Variants in LOXHD1 observed in about 807,000 individuals in gnomAD.
LOXHD1 encodes lipoxygenase homology PLAT domains 1.
LOXHD1 carries 205 observed loss-of-function variants against 248.2 expected under a neutral mutation model. The ratio of observed to expected loss-of-function variants is 0.83; its 90% confidence interval spans 0.74 to 0.93. LOXHD1 has a LOEUF of 0.93. Among genes scored for constraint, LOXHD1 ranks in the 40% least tolerant of loss-of-function variants. The probability of loss-of-function intolerance (pLI) is 0.00; values close to 1 mark genes in which losing one functional copy is unlikely to be tolerated. For synonymous variants in LOXHD1, 1,113 were observed against 1,162.8 expected (o/e 0.96, Z 0.87); for missense variants, 2,930 against 2,971.6 (o/e 0.99, Z 0.33).
chr18:46,567,200 A>G (rs2037660486), intron 16 of LOXHD1, among the ~76,000 whole-genome samples: 1 of 152,222 alleles, frequency 6.6e-6, no homozygotes, highest in African/African-American at 2.4e-5. Flanking sequence ...AGCAATTTTA[A>G]CATCAGATGG....
chr18:46,551,305 G>T (rs554274088), intron 21 of LOXHD1, among the ~76,000 whole-genome samples: 1 of 152,034 alleles, frequency 6.6e-6, no homozygotes, highest in East Asian at 1.9e-4. Context: ...GGGTTTCACC[G>T]TGTTAGCCAG....
At chr18:46,631,504 C>T (rs2038821863) in intron 4 of LOXHD1, among the ~76,000 whole-genome samples, 2 of 152,084 alleles carry the variant, frequency 1.3e-5, no homozygotes, top group South Asian at 4.2e-4. Context: ...GGAGGGGACA[C>T]CTGAGGCAGA....
intron 20 of LOXHD1, chr18:46,557,762 C>T: frequency 1.0e-6 from 1 of 953,686 alleles, no homozygotes; most frequent in Non-Finnish European, 1.5e-6. Context: ...CCTTGAGAGG[C>T]AGAAGAGAAG....
intron 14 of LOXHD1, 96 bp from the exon 15 acceptor site, chr18:46,572,258 G>A: frequency 9.2e-7 from 1 of 1,091,396 alleles, no homozygotes; most frequent in Non-Finnish European, 1.4e-6. Context: ...GAGGCCCAGA[G>A]CTTTGACTTT....
intron 32 of LOXHD1, 117 bp from the exon 33 acceptor site, chr18:46,521,399 G>T: frequency 1.7e-6 from 2 of 1,146,984 alleles, no homozygotes; most frequent in Non-Finnish European, 2.5e-6. Flanking sequence ...TGCTGGCCCA[G>T]GTCCCTCCCA....
At chr18:46,555,267 A>G in intron 21 of LOXHD1, 1 of 454,628 alleles carries the variant, frequency 2.2e-6, no homozygotes, top group Non-Finnish European at 4.6e-6. Flanking sequence ...CATTAAGCCC[A>G]TTTATCAGAA....
Position 46,569,534 on chromosome 18 carries a change from G to C in LOXHD1, c.2152C>G (p.Gln718Glu). 1 of 1,552,018 alleles carries C rather than the reference G, an allele frequency of 6.4e-7. No individual in the cohort carries two copies. Among genetic ancestry groups the C allele is most frequent in the Non-Finnish European group, 8.7e-7 (1 of 1,147,060 alleles). Residue 718 changes from glutamine to glutamate, a missense_variant, in exon 16 of 41, where the codon CAA (glutamine) becomes GAA (glutamate). By Grantham distance (29) the Gln-to-Glu change is conservative (BLOSUM62 2). Coordinates refer to ENST00000642948, the MANE Select transcript of LOXHD1 (RefSeq NM_001384474.1). ...LYGDKSDTIK[Q>E]VLLVSDNNLK... The stretch of plus-strand genomic sequence containing the variant: ...TTGTTGTCAGAGACAAGAAGAACTT[G>C]CTTGATGGTGTCAGATTTATCCCCA...
chr18:46,553,490 C>A (rs1226989545), intron 21 of LOXHD1, among the ~76,000 whole-genome samples: 2 of 152,218 alleles, frequency 1.3e-5, no homozygotes, highest in Non-Finnish European at 2.9e-5. Context: ...AGCTAGTTAA[C>A]CCCCAGCACT....
At chr18:46,652,035 A>C (rs909392080) in intron 1 of LOXHD1, among the ~76,000 whole-genome samples, 3 of 152,282 alleles carry the variant, frequency 2.0e-5, no homozygotes, top group Non-Finnish European at 4.4e-5. Context: ...ATATCTGTAC[A>C]ACAGAATGCT....
intron 37 of LOXHD1, among the ~76,000 whole-genome samples, chr18:46,499,676 G>A (rs952519525): frequency 6.6e-6 from 1 of 152,122 alleles, no homozygotes; most frequent in Non-Finnish European, 1.5e-5. Flanking sequence ...GTTTGTGTGT[G>A]TGTGGCAGGG....
intron 12 of LOXHD1, among the ~76,000 whole-genome samples, chr18:46,590,633 G>A (rs1292839028): frequency 6.6e-6 from 1 of 152,092 alleles, no homozygotes; most frequent in Non-Finnish European, 1.5e-5. Context: ...TCCCAATTTT[G>A]GGAATGGGTT....
chr18:46,639,717 C>T lies in LOXHD1; in HGVS notation c.410G>A (p.Arg137His), dbSNP rs151268914. ...CCAGTTGTTGCAGTTGAAGTAGTAA[C>T]GGAGATGAGGCCTCTTCATGTCGGT... is the stretch of plus-strand genomic sequence containing the variant. ...IVTDMKRPHL[R>H]YYFNCNNWLS... The change falls in exon 4 of 41, where the codon CGT (arginine) becomes CAT (histidine). Residue 137 changes from arginine to histidine, a missense_variant. Arg to His is a conservative substitution (Grantham distance 29). Transcript: ENST00000642948. The T allele has an allele frequency of 3.1e-5, 48 of 1,551,674 alleles. No individual in the cohort carries two copies. Among genetic ancestry groups the T allele is most frequent in the African/African-American group, 6.8e-5 (5 of 73,154 alleles).
chr18:46,591,158 T>G (rs1338550873), intron 12 of LOXHD1, among the ~76,000 whole-genome samples: 1 of 152,218 alleles, frequency 6.6e-6, no homozygotes, highest in Non-Finnish European at 1.5e-5. Context: ...TGGGTGACAT[T>G]GTTTTTATAT....
intron 12 of LOXHD1, among the ~76,000 whole-genome samples, chr18:46,580,153 G>A (rs906591112): frequency 6.6e-6 from 1 of 152,216 alleles, no homozygotes; most frequent in Non-Finnish European, 1.5e-5. Flanking sequence ...CCAGAGCTCA[G>A]TCTACTAAAC....
chr18:46,621,852 G>C (rs2038673394), intron 4 of LOXHD1, among the ~76,000 whole-genome samples: 1 of 152,158 alleles, frequency 6.6e-6, no homozygotes, highest in African/African-American at 2.4e-5. Context: ...CTCTGAAAAT[G>C]ACATGGTGGA....
Position 46,554,940 on chromosome 18 carries a change from A to G in LOXHD1, c.3350+2416T>C, listed in dbSNP as rs117453370. ...TAATGGCATAACAATCAAAATTCCA[A>G]GAGGATTTTTTTTTCAAGTCACTTA... On this transcript the variant is annotated intron_variant, in intron 21 of 40. Coordinates refer to ENST00000642948, the MANE Select transcript of LOXHD1 (RefSeq NM_001384474.1). Among the ~76,000 whole-genome samples, 428 of 152,308 alleles carry G rather than the reference A, an allele frequency of 2.8e-3. 9 individuals are homozygous for G. The highest frequency in any genetic ancestry group is 3.1e-3 in the Non-Finnish European group (211 of 68,028).
intron 18 of LOXHD1, among the ~76,000 whole-genome samples, chr18:46,560,856 G>A (rs1028701436): frequency 9.9e-5 from 15 of 151,922 alleles, no homozygotes; most frequent in African/African-American, 2.2e-4. Flanking sequence ...ACACGCACGC[G>A]CGCGCGCGCG....
chr18:46,579,708 AAGGC>A lies in LOXHD1; in HGVS notation c.1727_1730del (p.Cys576PhefsTer41). The A allele has an allele frequency of 6.4e-7, 1 of 1,551,760 alleles. No homozygotes were observed. The highest frequency in any genetic ancestry group is 8.7e-7 in the Non-Finnish European group (1 of 1,146,996). ...CCCCCGTGTCCCCCACATCACCAAAAAGGCAGAGATAGACGTTGGCATCGGTCCC... is the reference window on the plus strand; with the variant it reads ...CCCCCGTGTCCCCCACATCACCAAAAAGAGATAGACGTTGGCATCGGTCCC... On this transcript the variant is annotated frameshift_variant, in exon 13 of 41. Coordinates refer to ENST00000642948, the MANE Select transcript of LOXHD1 (RefSeq NM_001384474.1). LOFTEE classifies it high-confidence loss of function.
chr18:46,566,341 C>T lies in LOXHD1; in HGVS notation c.2353G>A (p.Ala785Thr), dbSNP rs886042940. The change falls in exon 17 of 41, where the codon GCC (alanine) becomes ACC (threonine). Residue 785 changes from alanine to threonine, a missense_variant. Physicochemically the swap from Ala to Thr is moderately conservative, Grantham distance 58. Transcript: ENST00000642948. ...PRQGKQYTFP[A>T]NRWLDKNQAD... ...TGGTTCTTGTCCAGCCAGCGGTTGG[C>T]GGGAAAGGTGTACTGCTTGCCTTGA... 33 of 1,551,704 alleles carry T rather than the reference C, an allele frequency of 2.1e-5. No homozygotes were observed. Among genetic ancestry groups the T allele is most frequent in the Admixed American group, 9.8e-5 (5 of 50,988 alleles).
Sources: allele counts gnomAD v4.1 joint callset (sites outside exome capture counted in the v4.1 genomes callset), GRCh38; gene constraint gnomAD v4.1.1; transcripts MANE v1.5; gene names NCBI Gene and HGNC (gene_info 2026-07-23, HGNC 2026-07-21).